HAUS1: variants seen among roughly 807,000 people sequenced by gnomAD.
HAUS1 encodes HAUS augmin-like complex subunit 1.
A neutral mutation model predicts 38.6 loss-of-function variants in HAUS1; 25 were observed. That is an observed-to-expected ratio of 0.65 (90% confidence interval 0.47 to 0.91). The LOEUF (loss-of-function observed/expected upper bound fraction) is 0.91, where lower values mean the gene tolerates loss of function less well. Ranked by LOEUF, HAUS1 falls within the 40% of genes least tolerant of loss-of-function variation. HAUS1 has a pLI of 0.00. For synonymous variants in HAUS1, 109 were observed against 112.9 expected (o/e 0.97, Z 0.22); for missense variants, 325 against 328.4 (o/e 0.99, Z 0.08).
chr18:46,123,470 T>TC, intron 6 of HAUS1, 106 bp downstream of exon 6: 1 of 780,902 alleles, frequency 1.3e-6, no homozygotes, highest in Middle Eastern at 2.9e-4. Context: ...GGACCTGATT[T>TC]CTTTTCCTTT....
At chr18:46,124,747 T>TA in intron 6 of HAUS1, 75 bp from the exon 7 acceptor site, 1 of 772,088 alleles carries the variant, frequency 1.3e-6, no homozygotes, top group Non-Finnish European at 2.2e-6. Flanking sequence ...TGTTGTGTTT[T>TA]ATTTCAGAAA....
At position 46,104,451 on chromosome 18, in the gene HAUS1, C is replaced by T. The variant is rs8095039; in HGVS notation, c.30+10C>T. On this transcript the variant is annotated intron_variant, in intron 1 of 8. Transcript: ENST00000282058. The stretch of plus-strand genomic sequence containing the variant: ...GGAGAGAGAAACGCAGGTGATGGGG[C>T]GGGAATGGGGATCGTTGGCCTCCTG... The T allele has an allele frequency of 7.3e-5, 107 of 1,463,048 alleles. 1 individual carries two copies. The African/African-American group carries it at 1.3e-3, about 17-fold the overall frequency. 90.6% of individuals were successfully genotyped at this position (1,463,048 alleles called of 1,614,324 possible). A position where few individuals can be genotyped will look rare whatever the true frequency, so the allele number is the denominator to read the frequency against.
At chr18:46,116,685 G>A (rs115487378) in intron 2 of HAUS1, among the ~76,000 whole-genome samples, 2,200 of 151,922 alleles carry the variant, frequency 0.014, 50 homozygotes, top group African/African-American at 0.045. Context: ...CACAAAGCAC[G>A]GCATCATTAG....
intron 2 of HAUS1, among the ~76,000 whole-genome samples, chr18:46,111,812 C>T (rs1057083551): frequency 1.3e-5 from 2 of 151,774 alleles, no homozygotes; most frequent in African/African-American, 4.8e-5. Flanking sequence ...TCTGGTACTT[C>T]CATTATGCGT....
At chr18:46,127,599 C>T (rs1226355401) in intron 8 of HAUS1, among the ~76,000 whole-genome samples, 4 of 150,840 alleles carry the variant, frequency 2.7e-5, no homozygotes, top group African/African-American at 7.3e-5. Context: ...CTCAGCTAGT[C>T]GGGAGACTGA....
chr18:46,113,939 C>G (rs1033132872), intron 2 of HAUS1, among the ~76,000 whole-genome samples: 1 of 152,162 alleles, frequency 6.6e-6, no homozygotes, highest in Non-Finnish European at 1.5e-5. Context: ...TCTCCAAGGT[C>G]ACTCTGAGTT....
At chr18:46,110,762 TTGAA>T (rs1268746257) in intron 2 of HAUS1, among the ~76,000 whole-genome samples, 1 of 152,116 alleles carries the variant, frequency 6.6e-6, no homozygotes, top group African/African-American at 2.4e-5. Context: ...TTTGAGCACT[TTGAA>T]TGTGTTATTT....
chr18:46,111,821 G>A (rs759029920), intron 2 of HAUS1, among the ~76,000 whole-genome samples: 4 of 149,510 alleles, frequency 2.7e-5, no homozygotes, highest in Admixed American at 6.7e-5. Context: ...TCCATTATGC[G>A]TATGTTGGTA....
chr18:46,126,182 G>A (rs950091907), intron 8 of HAUS1, among the ~76,000 whole-genome samples: 3 of 152,112 alleles, frequency 2.0e-5, no homozygotes, highest in Non-Finnish European at 4.4e-5. Context: ...GGCTGAGGCA[G>A]GAGAATCACT....
chr18:46,127,575 TG>T (rs1912143271), intron 8 of HAUS1, among the ~76,000 whole-genome samples: 1 of 151,786 alleles, frequency 6.6e-6, no homozygotes, highest in African/African-American at 2.4e-5. Context: ...GGCATGGTGG[TG>T]GGCGCCTGTA....
At chr18:46,119,160 C>T (rs752447264) in intron 3 of HAUS1, among the ~76,000 whole-genome samples, 3 of 152,160 alleles carry the variant, frequency 2.0e-5, no homozygotes, top group Non-Finnish European at 2.9e-5. Flanking sequence ...TGAGCCACTG[C>T]GCCCGGTAGA....
intron 2 of HAUS1, among the ~76,000 whole-genome samples, chr18:46,106,140 G>A (rs1911471739): frequency 6.6e-6 from 1 of 152,156 alleles, no homozygotes; most frequent in African/African-American, 2.4e-5. Context: ...TCAGGAGATT[G>A]CATTAGAATT....
At chr18:46,108,560 A>G (rs1911535439) in intron 2 of HAUS1, among the ~76,000 whole-genome samples, 1 of 152,150 alleles carries the variant, frequency 6.6e-6, no homozygotes, top group African/African-American at 2.4e-5. Flanking sequence ...TTCTTAAAAT[A>G]GGAATTTACA....
In HAUS1 at chr18:46,118,338, A is replaced by AT. The variant is rs769532345; in HGVS notation, c.341+25dup. 3.1e-6 allele frequency: 5 copies of AT among 1,612,022 alleles called. No homozygotes were observed. In the Admixed American group the frequency reaches 8.4e-5, roughly 27 times the overall value. On this transcript the variant is annotated intron_variant, in intron 3 of 8. Coordinates refer to ENST00000282058, the MANE Select transcript of HAUS1 (RefSeq NM_138443.4). ...CTAGGTAATTCTTATGACAGTTTTA[A>AT]TTTCCGCAATCATATCTGCTATAAG...
intron 4 of HAUS1, among the ~76,000 whole-genome samples, chr18:46,120,617 G>T (rs369594182): frequency 4.7e-5 from 7 of 150,440 alleles, no homozygotes; most frequent in Admixed American, 1.3e-4. Flanking sequence ...ATGGAGTCTC[G>T]CTGAGACACC....
intron 2 of HAUS1, among the ~76,000 whole-genome samples, chr18:46,112,238 AATATATATATAATGTGTAT>A (rs1183180103): frequency 7.1e-6 from 1 of 141,276 alleles, no homozygotes; most frequent in Admixed American, 7.6e-5. Flanking sequence ...ATATATATAT[AATATATATATAATGTGTAT>A]ATATATTCCA....
chr18:46,127,707 CAAA>C (rs36020437), intron 8 of HAUS1, among the ~76,000 whole-genome samples: 4 of 78,352 alleles, frequency 5.1e-5, no homozygotes, highest in Non-Finnish European at 9.0e-5. Context: ...GACTGCATCT[CAAA>C]AAAAAAAAAA....
rs1599817195 is a variant in HAUS1, at chr18:46,122,350, C to T, written c.477-117C>T. 1.0e-5 allele frequency: 10 copies of T among 973,000 alleles called. No individual in the cohort carries two copies. In the East Asian group the frequency reaches 2.2e-4, roughly 22 times the overall value. 60.3% of individuals were successfully genotyped at this position (973,000 alleles called of 1,614,324 possible). A position where few individuals can be genotyped will look rare whatever the true frequency, so the allele number is the denominator to read the frequency against. On this transcript the variant is annotated intron_variant, in intron 4 of 8. Transcript: ENST00000282058. Reference sequence around the variant, plus strand: ...AGTGCAACATGGAGGGGAAGATGACCTGGTTACCAACTCTTGGCCAAGCCA... The same window carrying T: ...AGTGCAACATGGAGGGGAAGATGACTTGGTTACCAACTCTTGGCCAAGCCA...
In HAUS1 at chr18:46,123,322, G is replaced by A. The variant is rs1912003616; in HGVS notation, c.624G>A (p.Met208Ile). 1.9e-6 allele frequency: 3 copies of A among 1,612,266 alleles called. No individual in the cohort carries two copies. In the African/African-American group the frequency reaches 4.0e-5, roughly 22 times the overall value. Residue 208 changes from methionine to isoleucine, a missense_variant, in exon 6 of 9, where the codon ATG becomes ATA. Physicochemically the swap from Met to Ile is conservative, Grantham distance 10 (BLOSUM62 1). Coordinates refer to ENST00000282058, the MANE Select transcript of HAUS1 (RefSeq NM_138443.4). ...AGGAGCAACTTTCAGCCAGAGGCAT[G>A]GATGCTTCTCTGTCTCATCAGTCCT... The part of the protein sequence containing the change: ...AAEEQLSARG[M>I]DASLSHQSLV...
Sources: allele counts gnomAD v4.1 joint callset (sites outside exome capture counted in the v4.1 genomes callset), GRCh38; gene constraint gnomAD v4.1.1; transcripts MANE v1.5; gene names NCBI Gene and HGNC (gene_info 2026-07-23, HGNC 2026-07-21).